NOS1AP: variants seen among roughly 807,000 people sequenced by gnomAD.
NOS1AP encodes the protein carboxyl-terminal PDZ ligand of neuronal nitric oxide synthase protein.
NOS1AP carries 21 observed loss-of-function variants against 56.2 expected under a neutral mutation model. The observed-to-expected ratio is 0.37, with a 90% CI of 0.26 to 0.54. The LOEUF is 0.54. Among genes scored for constraint, NOS1AP ranks in the 20% least tolerant of loss-of-function variants. The pLI is 0.84. For missense variants in NOS1AP, 522 were observed against 657.8 expected (o/e 0.79, Z 2.26); for synonymous variants, 270 against 274.6 (o/e 0.98, Z 0.17).
chr1:162,083,599 A>G (rs1192791551), intron 1 of NOS1AP, among the ~76,000 whole-genome samples: 2 of 152,172 alleles, frequency 1.3e-5, no homozygotes, highest in African/African-American at 4.8e-5. Context: ...GGTTAAACAG[A>G]CTATATTCTG....
At chr1:162,295,214 C>A (rs1038772495) in intron 3 of NOS1AP, among the ~76,000 whole-genome samples, 5 of 152,144 alleles carry the variant, frequency 3.3e-5, no homozygotes, top group African/African-American at 1.2e-4. Context: ...CCTTCCAATC[C>A]CATCTGAACT....
At chr1:162,194,764 A>G (rs1436805888) in intron 2 of NOS1AP, among the ~76,000 whole-genome samples, 1 of 152,164 alleles carries the variant, frequency 6.6e-6, no homozygotes, top group Non-Finnish European at 1.5e-5. Flanking sequence ...GCTGAGAGAC[A>G]CAGAAGGGGA....
At chr1:162,163,573 A>T (rs1236120797) in intron 2 of NOS1AP, among the ~76,000 whole-genome samples, 2 of 152,210 alleles carry the variant, frequency 1.3e-5, no homozygotes, top group Admixed American at 6.5e-5. Flanking sequence ...CTGGGTTCTG[A>T]TGACACTTGA....
At chr1:162,109,826 T>C (rs1647646897) in intron 1 of NOS1AP, among the ~76,000 whole-genome samples, 1 of 151,960 alleles carries the variant, frequency 6.6e-6, no homozygotes, top group African/African-American at 2.4e-5. Context: ...GCCCTTAAAT[T>C]CGTGATCACA....
At chr1:162,273,942 C>G (rs1467217976) in intron 2 of NOS1AP, among the ~76,000 whole-genome samples, 1 of 152,116 alleles carries the variant, frequency 6.6e-6, no homozygotes, top group Non-Finnish European at 1.5e-5. Context: ...TATGGATATA[C>G]CACAATTTGC....
chr1:162,345,927 A>G (rs76193936), intron 6 of NOS1AP, among the ~76,000 whole-genome samples: 1,901 of 152,338 alleles, frequency 0.012, 29 homozygotes, highest in South Asian at 0.046. Context: ...ACAAGAATAG[A>G]AAAAATCCTG....
rs373863448 is a variant in NOS1AP at position 162,367,047 on chromosome 1, T to C, written c.1106-5T>C. Reference sequence around the variant, plus strand: ...CCCCTCTGCTACCTCTTGTCTCCCCTGCAGTGGGCTCCCAGGACAGCTTGC... The same window carrying C: ...CCCCTCTGCTACCTCTTGTCTCCCCCGCAGTGGGCTCCCAGGACAGCTTGC... On this transcript the variant is annotated splice_region_variant and splice_polypyrimidine_tract_variant and intron_variant, in intron 9 of 9. Transcript: ENST00000361897. The surrounding 1 kb of genome is among the most constrained non-coding windows in gnomAD (Gnocchi z 6.5). 6.2e-6 allele frequency: 10 copies of C among 1,613,738 alleles called. No individual in the cohort carries two copies. Among genetic ancestry groups the C allele is most frequent in the Middle Eastern group, 1.6e-4 (1 of 6,084 alleles).
intron 1 of NOS1AP, among the ~76,000 whole-genome samples, chr1:162,081,774 A>ATATATATATATATATATTTTTTTTTTTTT: frequency 6.8e-5 from 3 of 44,060 alleles, no homozygotes; most frequent in Admixed American, 6.3e-4. Context: ...ATATATATAT[A>ATATATATATATATATATTTTTTTTTTTTT]TTTTTTTTTT....
At chr1:162,265,235 T>A (rs866593589) in intron 2 of NOS1AP, among the ~76,000 whole-genome samples, 134 of 150,522 alleles carry the variant, frequency 8.9e-4, no homozygotes, top group African/African-American at 2.5e-3. Flanking sequence ...TTTTTTTTTT[T>A]TTATTATTTT....
chr1:162,098,460 G>A (rs1236144625), intron 1 of NOS1AP, among the ~76,000 whole-genome samples: 1 of 150,650 alleles, frequency 6.6e-6, no homozygotes, highest in Admixed American at 6.6e-5. Context: ...ATTTGTAGGT[G>A]CCTTACAGTT....
At chr1:162,143,186 T>C (rs1649310323) in intron 1 of NOS1AP, among the ~76,000 whole-genome samples, 1 of 152,078 alleles carries the variant, frequency 6.6e-6, no homozygotes, top group African/African-American at 2.4e-5. Context: ...TTGCCAGTTG[T>C]CTCTGTGGTC....
chr1:162,296,841 C>T (rs1655482271), intron 3 of NOS1AP, among the ~76,000 whole-genome samples: 1 of 152,188 alleles, frequency 6.6e-6, no homozygotes, highest in Non-Finnish European at 1.5e-5. Flanking sequence ...CCGATGCATC[C>T]TCTCCCTCAG....
At chr1:162,338,565 G>A (rs1326208948) in intron 5 of NOS1AP, 2 of 152,106 alleles carry the variant, frequency 1.3e-5, no homozygotes, top group Non-Finnish European at 2.9e-5. Context: ...CATGCATATG[G>A]CACTTAAAGA....
chr1:162,183,885 T>C (rs1020692548), intron 2 of NOS1AP, among the ~76,000 whole-genome samples: 1 of 152,250 alleles, frequency 6.6e-6, no homozygotes, highest in Non-Finnish European at 1.5e-5. Flanking sequence ...TTTCTTATTA[T>C]GCATGTGTTC....
At chr1:162,253,564 C>T (rs1288921616) in intron 2 of NOS1AP, among the ~76,000 whole-genome samples, 1 of 152,170 alleles carries the variant, frequency 6.6e-6, no homozygotes, top group South Asian at 2.1e-4. Flanking sequence ...GCAAGATTAA[C>T]CCTGTCTAGT....
Position 162,344,046 on chromosome 1 carries a change from C to T in NOS1AP, c.595+70C>T, listed in dbSNP as rs377597830. 1.1e-4 allele frequency: 169 copies of T among 1,538,506 alleles called. No homozygotes were observed. The African/African-American group carries it at 1.8e-3, about 16-fold the overall frequency. On this transcript the variant is annotated intron_variant, in intron 6 of 9. Coordinates refer to ENST00000361897, the MANE Select transcript of NOS1AP (RefSeq NM_014697.3). ...CACAGTAGGCTCTGGTGGATCACTG[C>T]CCTGACCCCCAGGCTGTGAACTCAT...
chr1:162,330,223 G>T (rs971874499), intron 4 of NOS1AP, among the ~76,000 whole-genome samples: 1 of 152,192 alleles, frequency 6.6e-6, no homozygotes, highest in Non-Finnish European at 1.5e-5. Context: ...AAAATGAATA[G>T]CCAGGCAGAT....
chr1:162,127,191 T>C (rs1648526363), intron 1 of NOS1AP, among the ~76,000 whole-genome samples: 1 of 152,186 alleles, frequency 6.6e-6, no homozygotes, highest in African/African-American at 2.4e-5. Context: ...TTGTGATATG[T>C]TGTAAGCTTT....
chr1:162,089,673 G>A (rs1055514281), intron 1 of NOS1AP, among the ~76,000 whole-genome samples: 13 of 152,168 alleles, frequency 8.5e-5, no homozygotes, highest in Admixed American at 6.5e-4. Flanking sequence ...TTACAAGAGG[G>A]AGGGAGGGGG....
Sources: gnomAD v4.1 joint callset for allele counts (sites outside exome capture counted in the v4.1 genomes callset) on GRCh38, gnomAD v4.1.1 for gene constraint, Gnocchi (gnomAD v3.1) non-coding constraint, MANE v1.5 for transcripts, NCBI Gene and HGNC (gene_info 2026-07-23, HGNC 2026-07-21) for gene names.